RIPOR3: variants seen among roughly 807,000 people sequenced by gnomAD.
RIPOR3 encodes RIPOR family member 3, also known as family with sequence similarity 65 member C.
RIPOR3 carries 95 observed loss-of-function variants against 114.3 expected under a neutral mutation model. The ratio of observed to expected loss-of-function variants is 0.83; its 90% confidence interval spans 0.70 to 0.99. The LOEUF is 0.99. Ranked by LOEUF, RIPOR3 falls within the 50% of genes least tolerant of loss-of-function variation. The pLI is 0.00. For synonymous variants in RIPOR3, 575 were observed against 543.8 expected, an observed-to-expected ratio of 1.06 and a Z score of -0.80; for missense variants, 1,252 against 1,266.9, an observed-to-expected ratio of 0.99 and a Z score of 0.18.
chr20:50,617,871 C>T (rs1262117144), intron 3 of RIPOR3, among the ~76,000 whole-genome samples: 2 of 152,026 alleles, frequency 1.3e-5, no homozygotes, highest in East Asian at 1.9e-4. Context: ...ATCCGCCTGC[C>T]TCCGCCTCCC....
intron 1 of RIPOR3, among the ~76,000 whole-genome samples, chr20:50,666,183 A>T (rs6020669): frequency 0.17 from 7,349 of 42,724 alleles, 576 homozygotes; most frequent in East Asian, 0.34. Context: ...AAGGACACCC[A>T]TTTCTTTTCT....
intron 1 of RIPOR3, among the ~76,000 whole-genome samples, chr20:50,679,601 C>CAA (rs35946931): frequency 0.66 from 79,981 of 120,376 alleles, 27,008 homozygotes; most frequent in East Asian, 0.82. Context: ...ACTAAAAATA[C>CAA]AAAAAAAAAA....
chr20:50,669,310 G>A (rs2086378262), intron 1 of RIPOR3, among the ~76,000 whole-genome samples: 1 of 152,122 alleles, frequency 6.6e-6, no homozygotes, highest in Non-Finnish European at 1.5e-5. Context: ...TTACTCATAG[G>A]CTTTCTCTTC....
At chr20:50,654,422 G>GTTTTTT (rs34825514) in intron 1 of RIPOR3, among the ~76,000 whole-genome samples, 1 of 56,074 alleles carries the variant, frequency 1.8e-5, no homozygotes, top group African/African-American at 6.5e-5. Context: ...AGGAGGCAGA[G>GTTTTTT]TTTTTTTTTT....
chr20:50,646,127 G>GTATT (rs1445752929), intron 1 of RIPOR3, among the ~76,000 whole-genome samples: 32 of 152,000 alleles, frequency 2.1e-4, no homozygotes, highest in Middle Eastern at 6.8e-3. Flanking sequence ...ATGTATTTAT[G>GTATT]TATTTATTTA....
chr20:50,652,106 C>A (rs1410118106), intron 1 of RIPOR3, among the ~76,000 whole-genome samples: 1 of 152,208 alleles, frequency 6.6e-6, no homozygotes, highest in Non-Finnish European at 1.5e-5. Context: ...TGCTGTGGAA[C>A]CTCTTTCTCT....
intron 12 of RIPOR3, 55 bp downstream of exon 12, chr20:50,604,590 G>C: frequency 6.5e-7 from 1 of 1,548,574 alleles, no homozygotes; most frequent in African/African-American, 1.4e-5. Flanking sequence ...GCTCCTGCGT[G>C]CTGCCCCCAT....
Position 50,605,915 on chromosome 20 carries a change from T to G in RIPOR3, c.957-1141A>C, listed in dbSNP as rs576039813. 1.0e-3 allele frequency among the ~76,000 whole-genome samples: 157 copies of G among 152,246 alleles called. 1 individual carries two copies. The highest frequency in any genetic ancestry group is 1.6e-3 in the Admixed American group (25 of 15,296). ...ATGACCTCTACCCCTTTAGAAACCT[T>G]TCTCAAGGCTGGGCGTGGTGGCTCA... On this transcript the variant is annotated intron_variant, in intron 11 of 21. Transcript: ENST00000327979.
chr20:50,593,625 C>G (rs148023916), intron 17 of RIPOR3, among the ~76,000 whole-genome samples: 22 of 152,212 alleles, frequency 1.4e-4, no homozygotes, highest in African/African-American at 4.6e-4. Flanking sequence ...TCACTGCATT[C>G]CCTGTGCTGT....
In RIPOR3 at chr20:50,688,625, G is replaced by A. The variant is rs916363192; in HGVS notation, c.3+2501C>T. Among the ~76,000 whole-genome samples, 8 of 152,184 alleles carry A rather than the reference G, an allele frequency of 5.3e-5. No individual in the cohort carries two copies. In the East Asian group the frequency reaches 5.8e-4, roughly 11 times the overall value. Reference sequence around the variant, plus strand: ...CACACCTCTGTCTGGGGACAACATGGCAAAGAATATCACCGAACTGAGGAG... The same window carrying A: ...CACACCTCTGTCTGGGGACAACATGACAAAGAATATCACCGAACTGAGGAG... On this transcript the variant is annotated intron_variant, in intron 1 of 21. Transcript: ENST00000327979.
Position 50,652,219 on chromosome 20 carries a change from C to T in RIPOR3, c.4-21363G>A, listed in dbSNP as rs572625721. Among the ~76,000 whole-genome samples the T allele has an allele frequency of 2.8e-3, 427 of 152,314 alleles. 5 individuals are homozygous for T. Among genetic ancestry groups the T allele is most frequent in the African/African-American group, 9.9e-3 (410 of 41,576 alleles). On this transcript the variant is annotated intron_variant, in intron 1 of 21. Transcript: ENST00000327979. ...TCCAGTCTCCCAGTTCTGTCCCTGG[C>T]ATGTACTCTCCCCAGGCCTATCCCA...
rs118127491 is a variant in RIPOR3, at chr20:50,611,038, C to T, written c.373-132G>A. 3,612 of 1,540,896 alleles carry T rather than the reference C, an allele frequency of 2.3e-3. 58 individuals carry two copies. The highest frequency in any genetic ancestry group is 0.014 in the East Asian group (627 of 44,384). ...CTCACCATCCCTGAGGAAGGCTCAT[C>T]GCAGAGACTCAGCCTTCCCATTCCT... On this transcript the variant is annotated intron_variant, in intron 5 of 21. Coordinates refer to ENST00000327979, the MANE Select transcript of RIPOR3 (RefSeq NM_001290268.2).
chr20:50,637,765 C>T (rs2085041476), intron 1 of RIPOR3, among the ~76,000 whole-genome samples: 1 of 152,066 alleles, frequency 6.6e-6, no homozygotes, highest in East Asian at 1.9e-4. Context: ...ATCCCAGCTA[C>T]TCAGGAGGCT....
chr20:50,606,849 C>A (rs1162330217), intron 11 of RIPOR3, among the ~76,000 whole-genome samples: 1 of 152,120 alleles, frequency 6.6e-6, no homozygotes, highest in Non-Finnish European at 1.5e-5. Flanking sequence ...CCTGCCTCAG[C>A]CTCCCAAGTA....
At chr20:50,605,300 T>C (rs971657064) in intron 11 of RIPOR3, among the ~76,000 whole-genome samples, 4 of 151,726 alleles carry the variant, frequency 2.6e-5, no homozygotes, top group Admixed American at 2.0e-4. Flanking sequence ...CCTGGAGAAT[T>C]ATTTACAGGG....
chr20:50,687,819 C>T (rs1230321563), intron 1 of RIPOR3, among the ~76,000 whole-genome samples: 1 of 151,684 alleles, frequency 6.6e-6, no homozygotes, highest in Non-Finnish European at 1.5e-5. Context: ...AGGAGAATTG[C>T]TTGAACCTGG....
chr20:50,595,628 C>G, intron 15 of RIPOR3, 124 bp from the exon 16 acceptor site: 11 of 1,343,092 alleles, frequency 8.2e-6, no homozygotes, highest in Non-Finnish European at 1.0e-5. Flanking sequence ...CCCTGACTGT[C>G]ATTTGGGGAT....
chr20:50,593,999 A>G (rs1043308882), intron 17 of RIPOR3, among the ~76,000 whole-genome samples: 68 of 152,206 alleles, frequency 4.5e-4, no homozygotes, highest in African/African-American at 9.1e-4. Flanking sequence ...GGCCGGGCGC[A>G]GTGGCTCATG....
At chr20:50,597,277 C>G (rs963070685) in intron 14 of RIPOR3, 1 of 309,924 alleles carries the variant, frequency 3.2e-6, no homozygotes, top group Non-Finnish European at 6.1e-6. Flanking sequence ...CAAAGAACTT[C>G]TACTATATAC....
Sources: allele counts gnomAD v4.1 joint callset (sites outside exome capture counted in the v4.1 genomes callset), GRCh38; gene constraint gnomAD v4.1.1; transcripts MANE v1.5; gene names NCBI Gene and HGNC (gene_info 2026-07-23, HGNC 2026-07-21).